PTPRG: variants seen among roughly 807,000 people sequenced by gnomAD.
PTPRG encodes the protein protein tyrosine phosphatase receptor type G, also known as receptor-type tyrosine-protein phosphatase gamma.
In PTPRG, 102 loss-of-function variants were observed where a neutral mutation model predicts 165.3. That is an observed-to-expected ratio of 0.62 (90% CI 0.53 to 0.73). The LOEUF is 0.73. PTPRG is among the 30% of genes least tolerant of loss of function. The pLI, the probability that PTPRG is intolerant of heterozygous loss-of-function variation, is 0.00. For missense variants in PTPRG, 1,866 were observed against 1,861.4 expected (o/e 1.00, Z -0.05); for synonymous variants, 675 against 669.5 (o/e 1.01, Z -0.13).
At chr3:61,979,282 A>C (rs4447756) in intron 2 of PTPRG, among the ~76,000 whole-genome samples, 70,113 of 152,000 alleles carry the variant, frequency 0.46, 16,939 homozygotes, top group African/African-American at 0.63. Context: ...CCTGCTCATC[A>C]CAGATGTTTT....
chr3:61,745,382 C>T (rs936953268), intron 1 of PTPRG, among the ~76,000 whole-genome samples: 2 of 152,154 alleles, frequency 1.3e-5, no homozygotes, highest in African/African-American at 4.8e-5. Flanking sequence ...ACACCATGCG[C>T]TGATTTCCAT....
chr3:61,863,965 G>A (rs558307318), intron 2 of PTPRG, among the ~76,000 whole-genome samples: 2 of 152,282 alleles, frequency 1.3e-5, no homozygotes, highest in African/African-American at 4.8e-5. Context: ...AGTTCATGCT[G>A]GTTGAGGAGA....
chr3:61,941,203 T>C (rs1430995661), intron 2 of PTPRG, among the ~76,000 whole-genome samples: 1 of 152,252 alleles, frequency 6.6e-6, no homozygotes, highest in Middle Eastern at 3.2e-3. Context: ...CCAGCAACCA[T>C]TGTCCTGCAG....
intron 4 of PTPRG, among the ~76,000 whole-genome samples, chr3:62,072,042 T>C (rs1375096030): frequency 1.3e-5 from 2 of 152,222 alleles, no homozygotes; most frequent in East Asian, 1.9e-4. Context: ...ACCAGACATA[T>C]ACACATTTGT....
At chr3:62,085,679 T>C (rs1701729474) in intron 5 of PTPRG, among the ~76,000 whole-genome samples, 1 of 152,222 alleles carries the variant, frequency 6.6e-6, no homozygotes, top group Non-Finnish European at 1.5e-5. Context: ...TTGCTATTCT[T>C]TACATGTCTA....
intron 1 of PTPRG, among the ~76,000 whole-genome samples, chr3:61,679,172 A>G (rs761619642): frequency 6.6e-6 from 1 of 152,208 alleles, no homozygotes; most frequent in Non-Finnish European, 1.5e-5. Context: ...CAAATGATAC[A>G]TTAATTGATT....
At chr3:61,701,783 G>C (rs930880993) in intron 1 of PTPRG, among the ~76,000 whole-genome samples, 3 of 151,998 alleles carry the variant, frequency 2.0e-5, no homozygotes, top group African/African-American at 7.2e-5. Context: ...TGTCATCTGA[G>C]CTACTCAGGA....
chr3:61,863,156 T>C (rs1205785996), intron 2 of PTPRG, among the ~76,000 whole-genome samples: 1 of 152,236 alleles, frequency 6.6e-6, no homozygotes, highest in Admixed American at 6.5e-5. Flanking sequence ...AATGTCTCTC[T>C]GGGCTGCCAG....
intron 1 of PTPRG, among the ~76,000 whole-genome samples, chr3:61,723,309 G>A (rs1447377406): frequency 6.6e-6 from 1 of 151,538 alleles, no homozygotes; most frequent in East Asian, 1.9e-4. Context: ...AATTTTCATG[G>A]CCTGATGATC....
rs1273854609 is a variant in PTPRG at position 62,176,068 on chromosome 3, A to G, written c.1033+7905A>G. Among the ~76,000 whole-genome samples the G allele has an allele frequency of 4.8e-5, 7 of 147,028 alleles. No homozygotes were observed. In the South Asian group the frequency reaches 6.2e-4, roughly 13 times the overall value. On this transcript the variant is annotated intron_variant, in intron 8 of 29. Transcript: ENST00000474889. ...GGACTCTGGAATAATCACAACGTCT[A>G]TAAACTTATTGTTCTGGCTGTTATG...
chr3:61,761,745 TC>T (rs1165351576), intron 2 of PTPRG, among the ~76,000 whole-genome samples: 4 of 152,198 alleles, frequency 2.6e-5, no homozygotes, highest in African/African-American at 9.7e-5. Flanking sequence ...TTTCTGTTGA[TC>T]CACATTCTTC....
intron 1 of PTPRG, among the ~76,000 whole-genome samples, chr3:61,668,813 C>G (rs994534289): frequency 2.6e-5 from 4 of 152,044 alleles, no homozygotes; most frequent in Non-Finnish European, 4.4e-5. Flanking sequence ...TTATCTTGGG[C>G]TGAAAGTATG....
In PTPRG at chr3:62,293,864, G is replaced by A. The variant is rs1702981705; in HGVS notation, c.*557G>A. 1 of 152,488 alleles carries A rather than the reference G, an allele frequency of 6.6e-6. No individual in the cohort carries two copies. Among genetic ancestry groups the A allele is most frequent in the South Asian group, 2.1e-4 (1 of 4,824 alleles). The allele number at this position is 152,488 out of a possible 1,614,324, so 9.4% of individuals were successfully genotyped here. A position where few individuals can be genotyped will look rare whatever the true frequency, so the allele number is the denominator to read the frequency against. ...AAAGGTCTGTTAATGTCATGGCCTT[G>A]AAACAGTTCCATTTATGCTGGTTAA... On this transcript the variant is annotated 3_prime_UTR_variant, in exon 30 of 30. Transcript: ENST00000474889.
intron 1 of PTPRG, among the ~76,000 whole-genome samples, chr3:61,653,975 T>A (rs1368028320): frequency 2.0e-5 from 3 of 152,136 alleles, no homozygotes; most frequent in Admixed American, 6.5e-5. Context: ...TTTTTTGTCC[T>A]GTTTTTCATG....
intron 5 of PTPRG, among the ~76,000 whole-genome samples, chr3:62,128,696 T>C (rs1703404229): frequency 6.7e-6 from 1 of 149,840 alleles, no homozygotes; most frequent in African/African-American, 2.5e-5. Context: ...TGACTCAGAA[T>C]TCCATATTTT....
At chr3:61,851,261 T>C (rs1267469261) in intron 2 of PTPRG, among the ~76,000 whole-genome samples, 1 of 152,190 alleles carries the variant, frequency 6.6e-6, no homozygotes, top group Non-Finnish European at 1.5e-5. Context: ...AAGGATTAGA[T>C]TCAGGGAAGA....
intron 2 of PTPRG, among the ~76,000 whole-genome samples, chr3:61,759,572 G>A (rs1180948284): frequency 1.3e-5 from 2 of 152,010 alleles, no homozygotes; most frequent in East Asian, 3.9e-4. Context: ...TGGGAGGATC[G>A]CCTGAACCCA....
chr3:62,185,518 G>A (rs1033143342), intron 8 of PTPRG, among the ~76,000 whole-genome samples: 6 of 152,128 alleles, frequency 3.9e-5, no homozygotes, highest in Non-Finnish European at 4.4e-5. Context: ...AACTCACCTC[G>A]CCTTGGGGGC....
At chr3:61,753,758 G>C (rs1298951792) in intron 2 of PTPRG, 1 of 338,568 alleles carries the variant, frequency 3.0e-6, no homozygotes, top group African/African-American at 2.2e-5. Flanking sequence ...CACACTCCCA[G>C]CTAATTTGTG....
Sources: gnomAD v4.1 joint callset for allele counts (sites outside exome capture counted in the v4.1 genomes callset) on GRCh38, gnomAD v4.1.1 for gene constraint, MANE v1.5 for transcripts, NCBI Gene and HGNC (gene_info 2026-07-23, HGNC 2026-07-21) for gene names.